Variants in ANKIB1 observed in about 807,000 individuals in gnomAD.
ANKIB1 encodes the protein ankyrin repeat and IBR domain containing 1.
ANKIB1 carries 43 observed loss-of-function variants against 122.1 expected under a neutral mutation model. The observed-to-expected ratio is 0.35, with a 90% CI of 0.28 to 0.45. The LOEUF (loss-of-function observed/expected upper bound fraction) is 0.45. Ranked by LOEUF, ANKIB1 falls within the 20% of genes least tolerant of loss-of-function variation. The pLI, the probability that ANKIB1 is intolerant of heterozygous loss-of-function variation, is 1.00. For missense variants in ANKIB1, 992 were observed against 1,329.5 expected, an observed-to-expected ratio of 0.75 and a Z score of 3.95; for synonymous variants, 390 against 442.0, an observed-to-expected ratio of 0.88 and a Z score of 1.48.
At chr7:92,298,546 T>A (rs943207629) in intron 2 of ANKIB1, among the ~76,000 whole-genome samples, 2 of 152,026 alleles carry the variant, frequency 1.3e-5, no homozygotes, top group Admixed American at 1.3e-4. Flanking sequence ...AAATGTGTTC[T>A]GAGGACTCCT....
At chr7:92,321,497 A>T (rs1161428408) in intron 4 of ANKIB1, among the ~76,000 whole-genome samples, 1 of 152,170 alleles carries the variant, frequency 6.6e-6, no homozygotes, top group East Asian at 1.9e-4. Flanking sequence ...CTAGAGCCAT[A>T]TCTGCCTATT....
At chr7:92,330,504 T>C (rs1803147157) in intron 5 of ANKIB1, among the ~76,000 whole-genome samples, 1 of 152,104 alleles carries the variant, frequency 6.6e-6, no homozygotes, top group South Asian at 2.1e-4. Context: ...AATTTAGACC[T>C]GAGTAAAAAA....
chr7:92,386,625 C>T lies in ANKIB1; in HGVS notation c.1734C>T (p.Ser578=), dbSNP rs1314108908. 3 of 1,603,036 alleles carry T rather than the reference C, an allele frequency of 1.9e-6. No homozygotes were observed. Among genetic ancestry groups the T allele is most frequent in the Non-Finnish European group, 2.6e-6 (3 of 1,175,104 alleles). ...TCATTCAACACGTGGAGGAGCAATC[C>T]AAGGAAATGACTGTGGAGGTAAAGA... The part of the protein sequence containing the change: ...YEVIQHVEEQ[S]KEMTVEAEKK... The change falls in exon 12 of 20, where the codon TCC becomes TCT. Residue 578 remains serine (S), a synonymous_variant. Transcript: ENST00000265742.
intron 3 of ANKIB1, among the ~76,000 whole-genome samples, chr7:92,314,075 G>T (rs1006470484): frequency 6.6e-6 from 1 of 151,966 alleles, no homozygotes; most frequent in South Asian, 2.1e-4. Context: ...AGGCGGGAGC[G>T]TATCTTGAGC....
At chr7:92,304,440 T>C (rs1458822470) in intron 2 of ANKIB1, among the ~76,000 whole-genome samples, 2 of 152,090 alleles carry the variant, frequency 1.3e-5, no homozygotes, top group East Asian at 1.9e-4. Context: ...TCTAGAGATA[T>C]TTAATACTAG....
rs199967517 is a variant in ANKIB1 at position 92,398,687 on chromosome 7, G to A, written c.3008G>A (p.Cys1003Tyr). ...TEISADSQLPCIKDGSEGVKD... is the reference protein window; with the variant it reads ...TEISADSQLPYIKDGSEGVKD... Reference sequence around the variant, plus strand: ...ATCAGTGCAGATTCCCAGCTCCCCTGTATCAAAGATGGGTCAGAAGGTGTG... The same window carrying A: ...ATCAGTGCAGATTCCCAGCTCCCCTATATCAAAGATGGGTCAGAAGGTGTG... Residue 1003 changes from cysteine to tyrosine, a missense_variant, in exon 20 of 20, where the codon TGT becomes TAT. Cys to Tyr is a radical substitution (Grantham distance 194). Around this residue, in one of 4 missense-constraint regions of ANKIB1, gnomAD observed 384 missense variants for 412.0 expected, o/e 0.93. Transcript: ENST00000265742. 1.2e-6 allele frequency: 2 copies of A among 1,613,890 alleles called. No homozygotes were observed. The highest frequency in any genetic ancestry group is 1.7e-6 in the Non-Finnish European group (2 of 1,179,842).
intron 1 of ANKIB1, among the ~76,000 whole-genome samples, chr7:92,252,383 C>G (rs543865017): frequency 5.5e-4 from 81 of 146,736 alleles, no homozygotes; most frequent in African/African-American, 2.0e-3. Flanking sequence ...TCATAAGGTA[C>G]TACTTTTTTT....
intron 1 of ANKIB1, among the ~76,000 whole-genome samples, chr7:92,287,730 T>C (rs1335165737): frequency 6.6e-6 from 1 of 151,718 alleles, no homozygotes; most frequent in African/African-American, 2.4e-5. Flanking sequence ...ATTGAAGACT[T>C]GCAAATATAA....
At chr7:92,247,973 C>G (rs1274990147) in intron 1 of ANKIB1, among the ~76,000 whole-genome samples, 2 of 152,128 alleles carry the variant, frequency 1.3e-5, no homozygotes, top group African/African-American at 4.8e-5. Flanking sequence ...TTGAAGTAGG[C>G]TCAGGAGATG....
rs1046800762 is a variant in ANKIB1 at position 92,319,766 on chromosome 7, T to A, written c.669+254T>A. On this transcript the variant is annotated intron_variant, in intron 4 of 19. Coordinates refer to ENST00000265742, the MANE Select transcript of ANKIB1 (RefSeq NM_019004.2). ...CAGCCTGGGCTATAGCAAGACTCTA[T>A]CTACAAAAAATTTTAAAAATTTGCC... The A allele has an allele frequency of 3.7e-5, 14 of 373,528 alleles. 1 individual carries two copies. The highest frequency in any genetic ancestry group is 3.3e-4 in the Admixed American group (7 of 21,198). The allele number at this position is 373,528 out of a possible 1,614,324, so 23.1% of individuals were successfully genotyped here.
intron 9 of ANKIB1, among the ~76,000 whole-genome samples, chr7:92,358,538 C>CTT (rs34422207): frequency 7.5e-4 from 99 of 132,628 alleles, no homozygotes; most frequent in African/African-American, 1.3e-3. Context: ...GAAGAAGTGG[C>CTT]TTTTTTTTTT....
intron 7 of ANKIB1, among the ~76,000 whole-genome samples, chr7:92,346,933 T>G (rs1803553893): frequency 6.6e-6 from 1 of 152,210 alleles, no homozygotes; most frequent in Non-Finnish European, 1.5e-5. Flanking sequence ...CTAGCCTACC[T>G]AGGATTCTCC....
At chr7:92,327,976 T>C (rs1803063666) in intron 5 of ANKIB1, 76 bp downstream of exon 5, 1 of 952,682 alleles carries the variant, frequency 1.0e-6, no homozygotes, top group South Asian at 1.6e-5. Flanking sequence ...AAGGGCTATT[T>C]TTGTATTTGA....
At chr7:92,285,294 C>T (rs1271285480) in intron 1 of ANKIB1, among the ~76,000 whole-genome samples, 1 of 152,184 alleles carries the variant, frequency 6.6e-6, no homozygotes, top group Non-Finnish European at 1.5e-5. Context: ...GGATTACAGA[C>T]GTGAGCCACT....
At chr7:92,383,758 T>C (rs900683811) in intron 11 of ANKIB1, among the ~76,000 whole-genome samples, 1 of 152,180 alleles carries the variant, frequency 6.6e-6, no homozygotes, top group African/African-American at 2.4e-5. Flanking sequence ...ATAAGAGCTA[T>C]TTATGACAAA....
chr7:92,313,937 A>G (rs796393533), intron 3 of ANKIB1, among the ~76,000 whole-genome samples: 28 of 152,320 alleles, frequency 1.8e-4, no homozygotes, highest in African/African-American at 6.3e-4. Context: ...TAGAGGATGT[A>G]CCAAGTAGAA....
Position 92,307,380 on chromosome 7 carries a change from A to G in ANKIB1, c.210A>G (p.Gly70=), listed in dbSNP as rs920980537. The change falls in exon 3 of 20, where the codon GGA becomes GGG. Residue 70 remains glycine (G), a synonymous_variant. Transcript: ENST00000265742. ...TTAGGACTTTTCTTGGTAGAGATGG[A>G]AATCCAAATAAACGGAATGTGCACA... The part of the protein sequence containing the change: ...KILGTFLGRD[G]NPNKRNVHNE... 2.5e-6 allele frequency: 4 copies of G among 1,611,152 alleles called. No individual in the cohort carries two copies. The highest frequency in any genetic ancestry group is 3.4e-6 in the Non-Finnish European group (4 of 1,177,902).
At chr7:92,397,884 G>T (rs1804935002) in intron 19 of ANKIB1, 25 bp downstream of exon 19, 2 of 1,592,436 alleles carry the variant, frequency 1.3e-6, no homozygotes. Context: ...CAGCCTCATT[G>T]CCTGTGCTTT....
At chr7:92,331,035 A>G (rs1171636696) in intron 5 of ANKIB1, among the ~76,000 whole-genome samples, 1 of 152,140 alleles carries the variant, frequency 6.6e-6, no homozygotes, top group African/African-American at 2.4e-5. Flanking sequence ...CTGCATTTAA[A>G]TATAATGTAG....
Sources: gnomAD v4.1 joint callset for allele counts (sites outside exome capture counted in the v4.1 genomes callset) on GRCh38, gnomAD v4.1.1 for gene constraint, gnomAD v4.1.1 regional missense constraint, MANE v1.5 for transcripts, NCBI Gene and HGNC (gene_info 2026-07-23, HGNC 2026-07-21) for gene names.